The following CRACDL variants were observed in gnomAD, a reference collection of about 807,000 sequenced individuals.
CRACDL encodes CRACD like.
A neutral mutation model predicts 70.6 loss-of-function variants in CRACDL; 26 were observed. That is an observed-to-expected ratio of 0.37 (90% CI 0.27 to 0.51). The LOEUF (loss-of-function observed/expected upper bound fraction) is 0.51. Among genes scored for constraint, CRACDL ranks in the 20% least tolerant of loss-of-function variants. CRACDL has a pLI of 0.94. For synonymous variants in CRACDL, 618 were observed against 615.2 expected (o/e 1.00, Z -0.07); for missense variants, 1,283 against 1,376.9 (o/e 0.93, Z 1.08).
At chr2:98,864,083 C>T (rs755777678) in intron 1 of CRACDL, among the ~76,000 whole-genome samples, 4 of 151,882 alleles carry the variant, frequency 2.6e-5, no homozygotes, top group Admixed American at 6.6e-5. Context: ...ACAACTAAAA[C>T]GTGCACAAAA....
chr2:98,851,370 C>T (rs1706475399), intron 1 of CRACDL, among the ~76,000 whole-genome samples: 1 of 152,168 alleles, frequency 6.6e-6, no homozygotes, highest in Non-Finnish European at 1.5e-5. Context: ...AGAATCCTTT[C>T]AGATCTTTGA....
intron 1 of CRACDL, among the ~76,000 whole-genome samples, chr2:98,887,011 C>T (rs1054117531): frequency 2.0e-5 from 3 of 151,992 alleles, no homozygotes; most frequent in Non-Finnish European, 4.4e-5. Context: ...ATAGACAATA[C>T]ACATAAGGAA....
At position 98,833,698 on chromosome 2, in the gene CRACDL, T is replaced by C. The variant is rs191428856; in HGVS notation, c.240-701A>G. On this transcript the variant is annotated intron_variant, in intron 3 of 9. Transcript: ENST00000397899. ...CCCCCAGGACATTCACAAAATGTCC[T>C]AAAAGGATGTGGGAATTAGCTGTCA... is the stretch of plus-strand genomic sequence containing the variant. 4.1e-3 allele frequency among the ~76,000 whole-genome samples: 625 copies of C among 152,284 alleles called. 1 individual carries two copies. Among genetic ancestry groups the C allele is most frequent in the African/African-American group, 0.013 (554 of 41,562 alleles).
intron 1 of CRACDL, among the ~76,000 whole-genome samples, 154 bp downstream of exon 1, chr2:98,935,784 C>G (rs887965465): frequency 6.6e-6 from 1 of 152,054 alleles, no homozygotes; most frequent in African/African-American, 2.4e-5. Context: ...GCGGGGGTGG[C>G]GCCTCTCCGG....
intron 3 of CRACDL, among the ~76,000 whole-genome samples, chr2:98,837,707 T>G: frequency 6.6e-6 from 1 of 151,998 alleles, no homozygotes; most frequent in Non-Finnish European, 1.5e-5. Flanking sequence ...CCCCATCAAG[T>G]GAAAATATTC....
chr2:98,822,835 C>A lies in CRACDL; in HGVS notation c.1438G>T (p.Gly480Trp). The A allele has an allele frequency of 6.9e-7, 1 of 1,442,812 alleles. No individual in the cohort carries two copies. The highest frequency in any genetic ancestry group is 2.7e-5 in the East Asian group (1 of 36,386). 89.4% of individuals were successfully genotyped at this position (1,442,812 alleles called of 1,614,324 possible). ...RGAGTEPERI[G>W]TEPSTAPAPS... ...GCGGGCGCCGTGGAGGGCTCGGTCC[C>A]AATTCTCTCGGGCTCGGTCCCCGCT... is the stretch of plus-strand genomic sequence containing the variant. The change falls in exon 7 of 10, where the codon GGG (glycine) becomes TGG (tryptophan). Residue 480 changes from glycine to tryptophan, a missense_variant. Coordinates refer to ENST00000397899, the MANE Select transcript of CRACDL (RefSeq NM_207362.3). This position sits in a 1 kb window ranked among gnomAD's most constrained non-coding sequence, Gnocchi z 4.9.
intron 1 of CRACDL, among the ~76,000 whole-genome samples, chr2:98,851,133 C>G (rs1018619052): frequency 6.6e-6 from 1 of 152,154 alleles, no homozygotes; most frequent in Non-Finnish European, 1.5e-5. Context: ...TTTCTTAGCT[C>G]CCGGTACCGT....
chr2:98,809,634 C>A (rs1161888053), intron 7 of CRACDL: 1 of 152,176 alleles, frequency 6.6e-6, no homozygotes, highest in Admixed American at 6.5e-5. Flanking sequence ...CCCCACCGTC[C>A]GTATATTCTG....
At chr2:98,893,535 C>T (rs1431532595) in intron 1 of CRACDL, among the ~76,000 whole-genome samples, 2 of 152,276 alleles carry the variant, frequency 1.3e-5, no homozygotes, top group African/African-American at 2.4e-5. Flanking sequence ...CTGCCCTCCT[C>T]GGCCTCCCAA....
intron 8 of CRACDL, among the ~76,000 whole-genome samples, chr2:98,796,660 G>A (rs552745319): frequency 2.0e-5 from 3 of 152,354 alleles, no homozygotes; most frequent in South Asian, 4.1e-4. Flanking sequence ...GGGTCTTCAA[G>A]TCTGGTATAA....
chr2:98,836,239 T>A (rs1045614505), intron 3 of CRACDL, among the ~76,000 whole-genome samples: 7 of 152,196 alleles, frequency 4.6e-5, no homozygotes, highest in African/African-American at 1.7e-4. Flanking sequence ...GGGTCCCATG[T>A]GGTTTGCTCG....
intron 7 of CRACDL, among the ~76,000 whole-genome samples, chr2:98,804,081 A>G (rs539849029): frequency 3.9e-4 from 59 of 152,328 alleles, no homozygotes; most frequent in Middle Eastern, 3.4e-3. Flanking sequence ...CATGCTGGCA[A>G]CGTCTACAGT....
At chr2:98,874,842 CTGTTTCCAAGGG>C (rs1471705805) in intron 1 of CRACDL, among the ~76,000 whole-genome samples, 2 of 152,210 alleles carry the variant, frequency 1.3e-5, no homozygotes, top group Non-Finnish European at 2.9e-5. Context: ...TCACTTCATG[CTGTTTCCAAGGG>C]TGTCACAAAC....
chr2:98,932,091 G>C (rs892152294), intron 1 of CRACDL, among the ~76,000 whole-genome samples: 1 of 152,212 alleles, frequency 6.6e-6, no homozygotes, highest in Non-Finnish European at 1.5e-5. Flanking sequence ...TTTCCGTTCA[G>C]TTTGGGGAAA....
At chr2:98,913,464 G>A (rs180689317) in intron 1 of CRACDL, among the ~76,000 whole-genome samples, 2 of 152,158 alleles carry the variant, frequency 1.3e-5, no homozygotes, top group African/African-American at 4.8e-5. Context: ...GGGGAACAGG[G>A]AGTACAAGAC....
intron 1 of CRACDL, among the ~76,000 whole-genome samples, chr2:98,856,426 T>C (rs1270813052): frequency 6.6e-6 from 1 of 152,160 alleles, no homozygotes; most frequent in African/African-American, 2.4e-5. Flanking sequence ...CTGAGATGAT[T>C]TCTTGCTAGC....
At position 98,798,443 on chromosome 2, in the gene CRACDL, C is replaced by CAAAAA. The variant is rs70940125; in HGVS notation, c.2417-911_2417-907dup. ...TGGGCGACAGAGCGAGACTCCGTCT[C>CAAAAA]AAAAAAAAAAAAAAAAAAAAAAAAA... On this transcript the variant is annotated intron_variant, in intron 7 of 9. Transcript: ENST00000397899. Among the ~76,000 whole-genome samples, 389 of 44,314 alleles carry CAAAAA rather than the reference C, an allele frequency of 8.8e-3. 11 individuals carry two copies. Among genetic ancestry groups the CAAAAA allele is most frequent in the East Asian group, 0.012 (12 of 970 alleles). 29.1% of individuals were successfully genotyped at this position (44,314 alleles called of 152,430 possible).
chr2:98,934,429 A>C (rs1709158959), intron 1 of CRACDL, among the ~76,000 whole-genome samples: 1 of 152,118 alleles, frequency 6.6e-6, no homozygotes, highest in East Asian at 1.9e-4. Flanking sequence ...TCCTGACCTC[A>C]GGCAATCCAC....
At chr2:98,800,110 T>C (rs928163267) in intron 7 of CRACDL, among the ~76,000 whole-genome samples, 22 of 152,264 alleles carry the variant, frequency 1.4e-4, no homozygotes, top group Non-Finnish European at 8.8e-5. Context: ...TTGTTTGCTA[T>C]GAGCAAGGAC....
Sources: gnomAD v4.1 joint callset for allele counts (sites outside exome capture counted in the v4.1 genomes callset) on GRCh38, gnomAD v4.1.1 for gene constraint, Gnocchi (gnomAD v3.1) non-coding constraint, MANE v1.5 for transcripts, NCBI Gene and HGNC (gene_info 2026-07-23, HGNC 2026-07-21) for gene names.